The following ST6GALNAC3 variants were observed in gnomAD, a reference collection of about 807,000 sequenced individuals.
The protein encoded by ST6GALNAC3 is alpha-N-acetylgalactosaminide alpha-2,6-sialyltransferase 3.
A neutral mutation model predicts 32.7 loss-of-function variants in ST6GALNAC3; 25 were observed. The ratio of observed to expected loss-of-function variants is 0.76; its 90% CI spans 0.56 to 1.07. The LOEUF (loss-of-function observed/expected upper bound fraction) is 1.07. ST6GALNAC3 is among the 50% of genes least tolerant of loss of function. ST6GALNAC3 has a pLI of 0.00. For missense variants in ST6GALNAC3, 355 were observed against 382.4 expected (o/e 0.93, Z 0.60); for synonymous variants, 129 against 133.1 (o/e 0.97, Z 0.21).
intron 2 of ST6GALNAC3, among the ~76,000 whole-genome samples, chr1:76,389,668 C>A (rs1026698692): frequency 6.6e-6 from 1 of 152,166 alleles, no homozygotes; most frequent in Non-Finnish European, 1.5e-5. Context: ...TACGTTTGAC[C>A]TTTAAGATCA....
rs533460615 is a variant in ST6GALNAC3 at position 76,396,528 on chromosome 1, C to CT, written c.214-15473dup. On this transcript the variant is annotated intron_variant, in intron 2 of 4. Transcript: ENST00000328299. ...TTCCTTGTTTCTTCTTTCTACAGCC[C>CT]TTTTTTTCCCCTATAAAAGCCTACC... Among the ~76,000 whole-genome samples the CT allele has an allele frequency of 2.2e-3, 333 of 152,152 alleles. 2 individuals carry two copies. Among genetic ancestry groups the CT allele is most frequent in the African/African-American group, 7.3e-3 (305 of 41,522 alleles).
chr1:76,422,105 G>A (rs1230079010), intron 3 of ST6GALNAC3, among the ~76,000 whole-genome samples: 1 of 151,716 alleles, frequency 6.6e-6, no homozygotes, highest in Non-Finnish European at 1.5e-5. Context: ...TGGGATATGA[G>A]TTCTCTAAGG....
At chr1:76,282,437 C>A (rs539767079) in intron 1 of ST6GALNAC3, among the ~76,000 whole-genome samples, 1 of 152,120 alleles carries the variant, frequency 6.6e-6, no homozygotes, top group African/African-American at 2.4e-5. Context: ...CATGTCAACA[C>A]ATTTAAAACC....
intron 1 of ST6GALNAC3, among the ~76,000 whole-genome samples, chr1:76,285,957 A>G (rs1371054766): frequency 6.6e-6 from 1 of 151,908 alleles, no homozygotes; most frequent in Non-Finnish European, 1.5e-5. Flanking sequence ...CCTGACAGAT[A>G]CAGGAAGGCA....
At chr1:76,337,202 C>T (rs1647559206) in intron 2 of ST6GALNAC3, among the ~76,000 whole-genome samples, 1 of 152,184 alleles carries the variant, frequency 6.6e-6, no homozygotes, top group Admixed American at 6.5e-5. Context: ...GCCCCTTGGA[C>T]AAGGGGCACA....
intron 1 of ST6GALNAC3, among the ~76,000 whole-genome samples, chr1:76,155,173 G>A (rs1570228227): frequency 6.6e-6 from 1 of 152,058 alleles, no homozygotes; most frequent in South Asian, 2.1e-4. Context: ...AGTGGTTGTT[G>A]GGTGGTGACC....
Position 76,634,375 on chromosome 1 carries a change from A to T in ST6GALNAC3, c.*5569A>T, listed in dbSNP as rs1254966150. 1.3e-5 allele frequency: 2 copies of T among 157,148 alleles called. No individual in the cohort carries two copies. The highest frequency in any genetic ancestry group is 2.8e-5 in the Non-Finnish European group (2 of 72,616). 9.7% of individuals were successfully genotyped at this position (157,148 alleles called of 1,614,324 possible). A position where few individuals can be genotyped will look rare whatever the true frequency, so the allele number is the denominator to read the frequency against. ...AGCTTTGTTGTCACTGTTACTGAGTAAATACCCATTTCTGTTACATATGGT... is the reference window on the plus strand; with the variant it reads ...AGCTTTGTTGTCACTGTTACTGAGTTAATACCCATTTCTGTTACATATGGT... On this transcript the variant is annotated 3_prime_UTR_variant, in exon 5 of 5. Transcript: ENST00000328299.
intron 3 of ST6GALNAC3, among the ~76,000 whole-genome samples, chr1:76,548,836 A>G (rs1312110915): frequency 2.0e-5 from 3 of 152,078 alleles, no homozygotes; most frequent in South Asian, 4.1e-4. Flanking sequence ...GGCATTTACC[A>G]TGATTTGTAG....
At position 76,531,280 on chromosome 1, in the gene ST6GALNAC3, T is replaced by C. The variant is rs187787761; in HGVS notation, c.624-96172T>C. Among the ~76,000 whole-genome samples, 92 of 152,302 alleles carry C rather than the reference T, an allele frequency of 6.0e-4. 2 individuals are homozygous for C. Among genetic ancestry groups the C allele is most frequent in the Non-Finnish European group, 1.2e-4 (8 of 68,022 alleles). ...GCAGGCTTTTGTTTTTATTAGCATG[T>C]GTAAATATGGAATAACTTCTAAATG... On this transcript the variant is annotated intron_variant, in intron 3 of 4. Coordinates refer to ENST00000328299, the MANE Select transcript of ST6GALNAC3 (RefSeq NM_152996.4).
chr1:76,457,323 T>G (rs1411762360), intron 3 of ST6GALNAC3, among the ~76,000 whole-genome samples: 1 of 152,184 alleles, frequency 6.6e-6, no homozygotes, highest in Admixed American at 6.5e-5. Context: ...AAGCTACCAA[T>G]GACTTTCTTC....
At chr1:76,255,941 A>G (rs1428346085) in intron 1 of ST6GALNAC3, among the ~76,000 whole-genome samples, 4 of 151,968 alleles carry the variant, frequency 2.6e-5, no homozygotes, top group African/African-American at 4.8e-5. Context: ...TCTATGCGGG[A>G]AAAGGAAAAA....
At chr1:76,417,218 T>G (rs866754390) in intron 3 of ST6GALNAC3, among the ~76,000 whole-genome samples, 1 of 150,816 alleles carries the variant, frequency 6.6e-6, no homozygotes, top group Non-Finnish European at 1.5e-5. Flanking sequence ...TTTTTTTTTC[T>G]TTCTTTCTTT....
chr1:76,299,496 G>A (rs1047521850), intron 1 of ST6GALNAC3, among the ~76,000 whole-genome samples: 3 of 151,976 alleles, frequency 2.0e-5, no homozygotes, highest in African/African-American at 7.2e-5. Context: ...GGTGGGTAAA[G>A]CCTTTAGGGG....
intron 1 of ST6GALNAC3, among the ~76,000 whole-genome samples, chr1:76,299,220 G>A (rs1271408277): frequency 6.6e-6 from 1 of 152,014 alleles, no homozygotes; most frequent in African/African-American, 2.4e-5. Flanking sequence ...TGAGGGTGTG[G>A]AGGCGGCCTT....
intron 1 of ST6GALNAC3, among the ~76,000 whole-genome samples, chr1:76,243,955 T>G (rs964691066): frequency 6.6e-6 from 1 of 152,178 alleles, no homozygotes; most frequent in Non-Finnish European, 1.5e-5. Context: ...CATATGAAAT[T>G]TAAAGTAGTT....
intron 3 of ST6GALNAC3, among the ~76,000 whole-genome samples, chr1:76,606,081 G>A (rs1490362536): frequency 1.3e-5 from 2 of 151,990 alleles, no homozygotes; most frequent in Admixed American, 1.3e-4. Context: ...TGCTAGTGAG[G>A]CTGTGGAGAA....
intron 1 of ST6GALNAC3, among the ~76,000 whole-genome samples, chr1:76,184,536 C>A (rs1192571632): frequency 2.0e-5 from 3 of 150,412 alleles, no homozygotes; most frequent in African/African-American, 7.5e-5. Context: ...CACACACACA[C>A]ACACACACAC....
At chr1:76,113,970 G>A (rs540394778) in intron 1 of ST6GALNAC3, among the ~76,000 whole-genome samples, 3 of 149,416 alleles carry the variant, frequency 2.0e-5, no homozygotes, top group African/African-American at 4.9e-5. Context: ...GATTACAGGC[G>A]CCTGCCACCA....
chr1:76,244,009 T>C (rs988865447), intron 1 of ST6GALNAC3, among the ~76,000 whole-genome samples: 3 of 152,218 alleles, frequency 2.0e-5, no homozygotes, highest in Non-Finnish European at 2.9e-5. Flanking sequence ...TTGATGGGGA[T>C]GGCATTGAAT....
Sources: allele counts gnomAD v4.1 joint callset (sites outside exome capture counted in the v4.1 genomes callset), GRCh38; gene constraint gnomAD v4.1.1; transcripts MANE v1.5; gene names NCBI Gene and HGNC (gene_info 2026-07-23, HGNC 2026-07-21).